INSYN2A: variants seen among roughly 807,000 people sequenced by gnomAD.
INSYN2A encodes family with sequence similarity 196 member A.
Under a neutral mutation model 39.4 loss-of-function variants are expected in INSYN2A, and 17 were observed. That is an observed-to-expected ratio of 0.43 (90% CI 0.30 to 0.65). The LOEUF is 0.65. Among genes scored for constraint, INSYN2A ranks in the 30% least tolerant of loss-of-function variants. The pLI is 0.14. For missense variants in INSYN2A, 595 were observed against 631.2 expected (o/e 0.94, Z 0.61); for synonymous variants, 255 against 265.7 (o/e 0.96, Z 0.39).
At chr10:127,149,295 C>T (rs922215261) in intron 5 of INSYN2A, among the ~76,000 whole-genome samples, 1 of 152,216 alleles carries the variant, frequency 6.6e-6, no homozygotes, top group Non-Finnish European at 1.5e-5. Context: ...CCTAACCTTG[C>T]AGGTACGCGG....
chr10:127,154,715 CG>C (rs765525011), intron 4 of INSYN2A, among the ~76,000 whole-genome samples: 1 of 152,096 alleles, frequency 6.6e-6, no homozygotes, highest in South Asian at 2.1e-4. Flanking sequence ...CCCCTGAGGC[CG>C]GGCAGATTTT....
intron 4 of INSYN2A, among the ~76,000 whole-genome samples, chr10:127,156,260 A>T (rs571241352): frequency 1.7e-4 from 26 of 152,286 alleles, no homozygotes; most frequent in Admixed American, 1.6e-3. Context: ...CCCCACTTAC[A>T]GAGGAGCATA....
intron 5 of INSYN2A, among the ~76,000 whole-genome samples, chr10:127,146,586 ATCCAGGGAT>A (rs1261009306): frequency 5.3e-5 from 8 of 152,178 alleles, no homozygotes. Flanking sequence ...GTAAGGTGTT[ATCCAGGGAT>A]TCCTTTCTCT....
At chr10:127,180,677 TTAAA>T (rs1306093351) in intron 2 of INSYN2A, among the ~76,000 whole-genome samples, 1 of 152,186 alleles carries the variant, frequency 6.6e-6, no homozygotes, top group Non-Finnish European at 1.5e-5. Context: ...GCATTCCAAC[TTAAA>T]TAAGTGAAAA....
intron 4 of INSYN2A, among the ~76,000 whole-genome samples, chr10:127,167,135 A>G (rs900083415): frequency 6.6e-6 from 1 of 152,182 alleles, no homozygotes; most frequent in Admixed American, 6.5e-5. Flanking sequence ...AGTGTTTACA[A>G]AGTTATATAA....
intron 4 of INSYN2A, among the ~76,000 whole-genome samples, chr10:127,174,536 T>C (rs931068188): frequency 6.6e-6 from 1 of 152,186 alleles, no homozygotes; most frequent in Non-Finnish European, 1.5e-5. Context: ...AATAAAGTAT[T>C]GGCCGTGAAG....
At position 127,175,773 on chromosome 10, in the gene INSYN2A, G is replaced by C. The variant is rs201790205; in HGVS notation, c.623C>G (p.Ala208Gly). The C allele has an allele frequency of 1.3e-5, 21 of 1,614,006 alleles. No homozygotes were observed. In the Admixed American group the frequency reaches 2.8e-4, roughly 22 times the overall value. ...TGGAGGCCGAGTGGAGTTTTGGAGC[G>C]CAGCTTCTCCATAGCTGAGCGGCTC... ...SPEPLSYGEAALQNSTRPPSE... is the reference protein window; with the variant it reads ...SPEPLSYGEAGLQNSTRPPSE... Residue 208 changes from alanine (A) to glycine (G), a missense_variant, in exon 4 of 6, where the codon GCG becomes GGG. Transcript: ENST00000522781. The surrounding 1 kb of genome is among the most constrained non-coding windows in gnomAD (Gnocchi z 6.3).
intron 4 of INSYN2A, among the ~76,000 whole-genome samples, chr10:127,156,547 C>CTTTTTTTT (rs2053074521): frequency 1.1e-5 from 1 of 88,196 alleles, no homozygotes; most frequent in African/African-American, 4.2e-5. Flanking sequence ...TCTTCTTCTT[C>CTTTTTTTT]TTCTTCTTCT....
chr10:127,184,505 G>A (rs1449810522), intron 2 of INSYN2A, among the ~76,000 whole-genome samples: 1 of 110,012 alleles, frequency 9.1e-6, no homozygotes, highest in Admixed American at 1.2e-4. Flanking sequence ...CCATCCTGCA[G>A]GTCCTGCTAG....
intron 2 of INSYN2A, among the ~76,000 whole-genome samples, chr10:127,179,111 C>G (rs1322479422): frequency 6.6e-6 from 1 of 152,222 alleles, no homozygotes; most frequent in Non-Finnish European, 1.5e-5. Context: ...CTTTTCCCTG[C>G]TACTTCTGAA....
At chr10:127,159,202 T>G (rs894924925) in intron 4 of INSYN2A, among the ~76,000 whole-genome samples, 3 of 152,374 alleles carry the variant, frequency 2.0e-5, no homozygotes, top group Admixed American at 2.0e-4. Flanking sequence ...TTGAGTCATT[T>G]ACATTTCTGT....
At chr10:127,141,064 A>T (rs1402863599) in intron 5 of INSYN2A, among the ~76,000 whole-genome samples, 1 of 152,104 alleles carries the variant, frequency 6.6e-6, no homozygotes, top group African/African-American at 2.4e-5. Context: ...CTTCATGATT[A>T]TCACTTTCTC....
chr10:127,195,782 A>G (rs567963600), intron 1 of INSYN2A, among the ~76,000 whole-genome samples: 2 of 152,222 alleles, frequency 1.3e-5, no homozygotes, highest in East Asian at 3.9e-4. Flanking sequence ...ATGCAGTTGC[A>G]TAACCTTGCC....
At chr10:127,190,988 C>T (rs1271494436) in intron 2 of INSYN2A, among the ~76,000 whole-genome samples, 3 of 152,088 alleles carry the variant, frequency 2.0e-5, no homozygotes, top group African/African-American at 7.2e-5. Flanking sequence ...CCCTCTTGCC[C>T]TGCTGGTTCC....
intron 5 of INSYN2A, among the ~76,000 whole-genome samples, chr10:127,152,596 G>A (rs939281388): frequency 1.3e-5 from 2 of 152,190 alleles, no homozygotes; most frequent in Non-Finnish European, 2.9e-5. Flanking sequence ...ATTTGGGACT[G>A]GATAGCTCTT....
intron 4 of INSYN2A, among the ~76,000 whole-genome samples, chr10:127,166,043 T>TA (rs2054044103): frequency 6.6e-6 from 1 of 152,158 alleles, no homozygotes; most frequent in Non-Finnish European, 1.5e-5. Flanking sequence ...TTAAAAAATT[T>TA]AAAAAATGCC....
Position 127,175,892 on chromosome 10 carries a change from G to A in INSYN2A, c.504C>T (p.His168=). The A allele has an allele frequency of 1.2e-6, 2 of 1,614,172 alleles. No homozygotes were observed. The highest frequency in any genetic ancestry group is 1.7e-6 in the Non-Finnish European group (2 of 1,180,034). Reference sequence around the variant, plus strand: ...AATGGAAAACCAAGGCTGTGGTCTTGTGCACCCGCCCCGCGCCACATGGCC... The same window carrying A: ...AATGGAAAACCAAGGCTGTGGTCTTATGCACCCGCCCCGCGCCACATGGCC... ...EARPCGAGRV[H]KTTALVFHSN... is the part of the protein sequence containing the mutation. The change falls in exon 4 of 6, where the codon CAC becomes CAT. Residue 168 remains histidine, a synonymous_variant. Transcript: ENST00000522781. This position sits in a 1 kb window ranked among gnomAD's most constrained non-coding sequence, Gnocchi z 6.3.
At chr10:127,167,160 A>G (rs1262430628) in intron 4 of INSYN2A, among the ~76,000 whole-genome samples, 1 of 152,198 alleles carries the variant, frequency 6.6e-6, no homozygotes, top group Non-Finnish European at 1.5e-5. Context: ...AAGCTATAAA[A>G]AAGGCTTGCT....
intron 5 of INSYN2A, among the ~76,000 whole-genome samples, chr10:127,141,477 C>T (rs1052855404): frequency 6.3e-4 from 96 of 151,982 alleles, no homozygotes; most frequent in Non-Finnish European, 2.6e-4. Context: ...CCGAGGTGGG[C>T]GGATCACTTG....
Sources: allele counts gnomAD v4.1 joint callset (sites outside exome capture counted in the v4.1 genomes callset), GRCh38; gene constraint gnomAD v4.1.1; non-coding constraint Gnocchi (gnomAD v3.1); transcripts MANE v1.5; gene names NCBI Gene and HGNC (gene_info 2026-07-23, HGNC 2026-07-21).